Variants in ANOS1 observed in about 807,000 individuals in gnomAD.
ANOS1 encodes anosmin-1.
Under a neutral mutation model 59.0 loss-of-function variants are expected in ANOS1, and 6 were observed. That is an observed-to-expected ratio of 0.10 (90% CI 0.06 to 0.20). The LOEUF (loss-of-function observed/expected upper bound fraction) is 0.20. Ranked by LOEUF, ANOS1 falls within the 10% of genes least tolerant of loss-of-function variation. ANOS1 has a pLI of 1.00. For missense variants in ANOS1, 433 were observed against 542.3 expected (o/e 0.80, Z 2.00); for synonymous variants, 217 against 223.4 (o/e 0.97, Z 0.25).
intron 5 of ANOS1, 136 bp from the exon 6 acceptor site, chrX:8,585,532 A>G (rs964435368): frequency 5.6e-5 from 37 of 662,571 alleles, no homozygotes; most frequent in Non-Finnish European, 8.9e-5. Context: ...AGAGGGGCTT[A>G]TCATGCCCAG....
chrX:8,725,551 G>A (rs1422799468), intron 1 of ANOS1, among the ~76,000 whole-genome samples: 7 of 88,015 alleles, frequency 8.0e-5, no homozygotes, highest in African/African-American at 2.9e-4. Context: ...TATATATACA[G>A]ATATATATAT....
chrX:8,626,083 G>A (rs2146848527), intron 2 of ANOS1, among the ~76,000 whole-genome samples: 1 of 82,954 alleles, frequency 1.2e-5, no homozygotes, highest in South Asian at 7.7e-4. Flanking sequence ...CTGCACTCCA[G>A]CCTGGATGAC....
chrX:8,582,960 T>C (rs1018751183), intron 6 of ANOS1, among the ~76,000 whole-genome samples: 3 of 111,417 alleles, frequency 2.7e-5, no homozygotes, highest in Non-Finnish European at 3.8e-5. Context: ...GCAGGCCTCT[T>C]TTGCCACAAA....
chrX:8,704,363 T>C (rs1039291233), intron 1 of ANOS1, among the ~76,000 whole-genome samples: 1 of 111,396 alleles, frequency 9.0e-6, no homozygotes, highest in Non-Finnish European at 1.9e-5. Flanking sequence ...GCAGCAGAGA[T>C]TGTCTTCAGC....
intron 2 of ANOS1, among the ~76,000 whole-genome samples, chrX:8,691,497 T>C (rs1394201822): frequency 9.2e-6 from 1 of 108,458 alleles, no homozygotes; most frequent in Non-Finnish European, 1.9e-5. Context: ...ATAGACAGAT[T>C]AAGATGGATG....
Position 8,664,036 on chromosome X carries a change from G to A in ANOS1, c.255+35662C>T, listed in dbSNP as rs1421016385. Among the ~76,000 whole-genome samples, 5 of 110,895 alleles carry A rather than the reference G, an allele frequency of 4.5e-5. No individual in the cohort carries two copies. In the Admixed American group the frequency reaches 4.8e-4, roughly 11 times the overall value. On this transcript the variant is annotated intron_variant, in intron 2 of 13. Coordinates refer to ENST00000262648, the MANE Select transcript of ANOS1 (RefSeq NM_000216.4). ...GACACAGGGAGGGGAACACACACTG[G>A]GGCCTGTCAAAGGGGTGGGGGAAGG...
chrX:8,546,613 A>G (rs1255533020), intron 9 of ANOS1, among the ~76,000 whole-genome samples: 1 of 111,948 alleles, frequency 8.9e-6, no homozygotes, highest in Admixed American at 9.5e-5. Flanking sequence ...CAAATCCACG[A>G]TGCTATCACA....
chrX:8,661,361 T>C lies in ANOS1; in HGVS notation c.256-37691A>G, dbSNP rs779996650. 2.7e-5 allele frequency among the ~76,000 whole-genome samples: 3 copies of C among 112,134 alleles called. No homozygotes were observed. In the East Asian group the frequency reaches 8.5e-4, roughly 32 times the overall value. Reference sequence around the variant, plus strand: ...CCCTCTCCTGGGCTTGTAGATGTTGTCTTCTCCCTGTGTCCTCACCAGGTC... The same window carrying C: ...CCCTCTCCTGGGCTTGTAGATGTTGCCTTCTCCCTGTGTCCTCACCAGGTC... On this transcript the variant is annotated intron_variant, in intron 2 of 13. Transcript: ENST00000262648.
chrX:8,620,384 G>A (rs1044021270), intron 3 of ANOS1, among the ~76,000 whole-genome samples: 3 of 112,016 alleles, frequency 2.7e-5, no homozygotes, highest in Admixed American at 9.5e-5. Context: ...ATACCGGGCC[G>A]AACATGTCTA....
intron 10 of ANOS1, among the ~76,000 whole-genome samples, chrX:8,538,600 C>T (rs1929634691): frequency 8.9e-6 from 1 of 111,740 alleles, no homozygotes; most frequent in African/African-American, 3.3e-5. Flanking sequence ...AACCTCACCC[C>T]TCTGCCCACA....
chrX:8,685,123 G>A (rs778780354), intron 2 of ANOS1, among the ~76,000 whole-genome samples: 5 of 111,237 alleles, frequency 4.5e-5, no homozygotes, highest in Non-Finnish European at 7.5e-5. Flanking sequence ...GTTAAAATGA[G>A]TATGATTTAA....
At chrX:8,645,862 T>C in intron 2 of ANOS1, among the ~76,000 whole-genome samples, 1 of 112,659 alleles carries the variant, frequency 8.9e-6, no homozygotes, top group Middle Eastern at 4.6e-3. Flanking sequence ...TTCAACGTGG[T>C]CTCGATCTCC....
At chrX:8,697,518 A>T (rs1932701019) in intron 2 of ANOS1, among the ~76,000 whole-genome samples, 1 of 111,501 alleles carries the variant, frequency 9.0e-6, no homozygotes, top group Non-Finnish European at 1.9e-5. Context: ...AGAGAATGGC[A>T]GGTTGGAGGT....
chrX:8,589,827 C>T (rs920887382), intron 4 of ANOS1, among the ~76,000 whole-genome samples: 2 of 112,348 alleles, frequency 1.8e-5, no homozygotes, highest in African/African-American at 3.2e-5. Flanking sequence ...ATTTCTCTGT[C>T]CCAGATATGC....
chrX:8,698,477 T>C (rs1932716214), intron 2 of ANOS1, among the ~76,000 whole-genome samples: 1 of 112,455 alleles, frequency 8.9e-6, no homozygotes, highest in South Asian at 3.6e-4. Context: ...AGAATACTTA[T>C]GAAATTTAAT....
intron 3 of ANOS1, among the ~76,000 whole-genome samples, chrX:8,616,165 C>T (rs1931172088): frequency 9.0e-6 from 1 of 110,648 alleles, no homozygotes; most frequent in Admixed American, 9.7e-5. Context: ...TAACACTGCT[C>T]TTGTCAAAGT....
chrX:8,585,027 C>T (rs781125094), intron 6 of ANOS1, among the ~76,000 whole-genome samples: 4 of 111,741 alleles, frequency 3.6e-5, no homozygotes, highest in Non-Finnish European at 7.5e-5. Flanking sequence ...CCCGCCACTT[C>T]AAAGTTTAAA....
At chrX:8,692,847 T>C (rs1353505402) in intron 2 of ANOS1, among the ~76,000 whole-genome samples, 2 of 112,419 alleles carry the variant, frequency 1.8e-5, no homozygotes, top group African/African-American at 6.5e-5. Flanking sequence ...GAGTCTTCAT[T>C]TATTTAGGAA....
rs112324088 is a variant in ANOS1, at chrX:8,659,397, T to A, written c.256-35727A>T. ...CTGCACTCCAGCCTGAGCGACAGAGTGAGACTCTTTCTCTCTCTCTCTCTT... is the reference window on the plus strand; with the variant it reads ...CTGCACTCCAGCCTGAGCGACAGAGAGAGACTCTTTCTCTCTCTCTCTCTT... On this transcript the variant is annotated intron_variant, in intron 2 of 13. Transcript: ENST00000262648. Among the ~76,000 whole-genome samples the A allele has an allele frequency of 4.9e-3, 531 of 109,325 alleles. 5 individuals carry two copies. The highest frequency in any genetic ancestry group is 0.017 in the African/African-American group (497 of 29,869). 94.9% of individuals were successfully genotyped at this position (109,325 alleles called of 115,157 possible). A position where few individuals can be genotyped will look rare whatever the true frequency, so the allele number is the denominator to read the frequency against.
Sources: allele counts gnomAD v4.1 joint callset (sites outside exome capture counted in the v4.1 genomes callset), GRCh38; gene constraint gnomAD v4.1.1; transcripts MANE v1.5; gene names NCBI Gene and HGNC (gene_info 2026-07-23, HGNC 2026-07-21).